The following ZNF124 variants were observed in gnomAD, a reference collection of about 807,000 sequenced individuals.
ZNF124 encodes zinc finger protein HZF-16.
A neutral mutation model predicts 26.6 loss-of-function variants in ZNF124; 25 were observed. The observed-to-expected ratio is 0.94, with a 90% CI of 0.68 to 1.31. The LOEUF (loss-of-function observed/expected upper bound fraction) is 1.31, where lower values mean the gene tolerates loss of function less well. Ranked by LOEUF, ZNF124 falls within the 40% of genes most tolerant of loss-of-function variation. ZNF124 has a pLI of 0.00. For synonymous variants in ZNF124, 129 were observed against 133.3 expected, an observed-to-expected ratio of 0.97 and a Z score of 0.22; for missense variants, 444 against 422.2, an observed-to-expected ratio of 1.05 and a Z score of -0.45.
intron 2 of ZNF124, 139 bp from the exon 3 acceptor site, chr1:247,159,205 G>T: frequency 1.4e-6 from 1 of 702,618 alleles, no homozygotes; most frequent in Non-Finnish European, 2.3e-6. Flanking sequence ...TGGCAACATT[G>T]TTTGTGTTAT....
At chr1:247,125,277 G>A (rs1375326580) in intron 3 of ZNF124, among the ~76,000 whole-genome samples, 1 of 151,938 alleles carries the variant, frequency 6.6e-6, no homozygotes. Context: ...TCTGTACCTG[G>A]GGGTGGAGTT....
At position 247,146,900 on chromosome 1, in the gene ZNF124, G is replaced by C. The variant is rs528429226; in HGVS notation, c.218+12106C>G. Among the ~76,000 whole-genome samples the C allele has an allele frequency of 9.8e-5, 15 of 152,300 alleles. No homozygotes were observed. In the South Asian group the frequency reaches 1.2e-3, roughly 13 times the overall value. On this transcript the variant is annotated intron_variant, in intron 3 of 3. Transcript: ENST00000472531. Reference sequence around the variant, plus strand: ...GAATTTCTACTAGAACAGGTACCGGGGGGTAGCTTCTGAGGTTAGGAGGTG... The same window carrying C: ...GAATTTCTACTAGAACAGGTACCGGCGGGTAGCTTCTGAGGTTAGGAGGTG...
downstream of ZNF124, among the ~76,000 whole-genome samples, chr1:247,150,343 G>A (rs954099528): frequency 1.3e-5 from 2 of 152,200 alleles, no homozygotes; most frequent in African/African-American, 4.8e-5. Flanking sequence ...ACTCTTTGGT[G>A]CTGTGGGGCT....
At chr1:247,163,272 G>C (rs1673588035) in intron 1 of ZNF124, among the ~76,000 whole-genome samples, 1 of 151,378 alleles carries the variant, frequency 6.6e-6, no homozygotes, top group African/African-American at 2.4e-5. Context: ...CAACCCCAAA[G>C]CTAGCAGAAG....
At chr1:247,131,356 G>C (rs1406446295) in intron 3 of ZNF124, among the ~76,000 whole-genome samples, 2 of 152,116 alleles carry the variant, frequency 1.3e-5, no homozygotes, top group Non-Finnish European at 2.9e-5. Flanking sequence ...GAGGCCTGCC[G>C]TCCCAACCCT....
chr1:247,124,172 G>A (rs1015208824), intron 3 of ZNF124, among the ~76,000 whole-genome samples: 1 of 149,918 alleles, frequency 6.7e-6, no homozygotes, highest in African/African-American at 2.5e-5. Flanking sequence ...GATCACACAC[G>A]TAAAATTTAG....
At chr1:247,131,407 T>C (rs1490106417) in intron 3 of ZNF124, among the ~76,000 whole-genome samples, 1 of 152,184 alleles carries the variant, frequency 6.6e-6, no homozygotes, top group Non-Finnish European at 1.5e-5. Context: ...TGGAATCTAC[T>C]TAAGCCTACC....
rs188164119 is a variant in ZNF124, at chr1:247,155,359, T to C, written c.*1207A>G. ...TCTACTGTGTAACCCACAAAATTTT[T>C]AAAAAATTTTAAAAATATTTTATAC... is the stretch of plus-strand genomic sequence containing the variant. On this transcript the variant is annotated 3_prime_UTR_variant, in exon 4 of 4. Coordinates refer to ENST00000543802, the MANE Select transcript of ZNF124 (RefSeq NM_001297568.2). Among the ~76,000 whole-genome samples, 1 of 151,708 alleles carries C rather than the reference T, an allele frequency of 6.6e-6. No individual in the cohort carries two copies. The highest frequency in any genetic ancestry group is 6.6e-5 in the Admixed American group (1 of 15,248).
At chr1:247,157,886 T>G (rs1377319188) in intron 3 of ZNF124, among the ~76,000 whole-genome samples, 1 of 151,576 alleles carries the variant, frequency 6.6e-6, no homozygotes, top group African/African-American at 2.4e-5. Flanking sequence ...AGATTCCACA[T>G]AAGTGGCACT....
At chr1:247,169,192 G>A (rs1245861922) in intron 1 of ZNF124, among the ~76,000 whole-genome samples, 1 of 152,060 alleles carries the variant, frequency 6.6e-6, no homozygotes, top group Non-Finnish European at 1.5e-5. Context: ...GACAGCCCAG[G>A]GAGGAGCAGC....
intron 3 of ZNF124, among the ~76,000 whole-genome samples, chr1:247,132,072 C>G (rs1470946182): frequency 2.0e-5 from 3 of 152,144 alleles, no homozygotes; most frequent in East Asian, 1.9e-4. Context: ...GAAGGAGGAG[C>G]AGGCACCCAT....
At position 247,155,595 on chromosome 1, in the gene ZNF124, C is replaced by T. The variant is rs1673080090; in HGVS notation, c.*971G>A. 6.6e-6 allele frequency among the ~76,000 whole-genome samples: 1 copy of T among 152,166 alleles called. No homozygotes were observed. Among genetic ancestry groups the T allele is most frequent in the Admixed American group, 6.5e-5 (1 of 15,272 alleles). On this transcript the variant is annotated 3_prime_UTR_variant, in exon 4 of 4. Coordinates refer to ENST00000543802, the MANE Select transcript of ZNF124 (RefSeq NM_001297568.2). ...GTCTTGCCTCAGCTGGGCGTGGTGG[C>T]TCACGCCTGTAATCCCAGCACTTTG...
chr1:247,164,196 T>C (rs1372868609), intron 1 of ZNF124, among the ~76,000 whole-genome samples: 2 of 152,180 alleles, frequency 1.3e-5, no homozygotes, highest in African/African-American at 2.4e-5. Flanking sequence ...TCATAGTGAA[T>C]AGGCAACAGC....
At chr1:247,167,551 A>G (rs1673850300) in intron 1 of ZNF124, among the ~76,000 whole-genome samples, 1 of 152,204 alleles carries the variant, frequency 6.6e-6, no homozygotes, top group African/African-American at 2.4e-5. Context: ...CTAGAATTTC[A>G]TTTGAAACTA....
downstream of ZNF124, among the ~76,000 whole-genome samples, chr1:247,151,514 G>A (rs1672944665): frequency 6.6e-6 from 1 of 151,084 alleles, no homozygotes; most frequent in South Asian, 2.1e-4. Context: ...TGGCAAGGAT[G>A]TGGGTACCCT....
At chr1:247,150,059 A>G (rs1672886469), downstream of ZNF124, 1 of 151,992 alleles carries the variant, frequency 6.6e-6, no homozygotes, top group Admixed American at 6.6e-5. Context: ...TGACCTCACC[A>G]CCTCCTAAAG....
chr1:247,145,475 G>A (rs1030313265), intron 3 of ZNF124, among the ~76,000 whole-genome samples: 2 of 152,108 alleles, frequency 1.3e-5, no homozygotes, highest in Admixed American at 6.5e-5. Context: ...GAGAACGGTC[G>A]GGGGCCTCCC....
At chr1:247,142,929 A>G (rs1020016541) in intron 3 of ZNF124, among the ~76,000 whole-genome samples, 3 of 151,312 alleles carry the variant, frequency 2.0e-5, no homozygotes, top group African/African-American at 4.8e-5. Flanking sequence ...TTTTATGTAG[A>G]AAAAAGAAAA....
At chr1:247,151,085 AGT>A (rs1672922248), downstream of ZNF124, among the ~76,000 whole-genome samples, 1 of 152,156 alleles carries the variant, frequency 6.6e-6, no homozygotes. Context: ...ATAACTAAAA[AGT>A]GTGCTGAAAT....
Sources: gnomAD v4.1 joint callset for allele counts (sites outside exome capture counted in the v4.1 genomes callset) on GRCh38, gnomAD v4.1.1 for gene constraint, MANE v1.5 for transcripts, NCBI Gene and HGNC (gene_info 2026-07-23, HGNC 2026-07-21) for gene names.